The following ITFG1 variants were observed in gnomAD, a reference collection of about 807,000 sequenced individuals.
ITFG1 encodes integrin alpha FG-GAP repeat containing 1.
ITFG1 carries 34 observed loss-of-function variants against 81.8 expected under a neutral mutation model. That is an observed-to-expected ratio of 0.42 (90% CI 0.32 to 0.55). ITFG1 has a LOEUF of 0.55. Ranked by LOEUF, ITFG1 falls within the 20% of genes least tolerant of loss-of-function variation. The probability of loss-of-function intolerance (pLI) is 0.17; values close to 1 mark genes in which losing one functional copy is unlikely to be tolerated. For synonymous variants in ITFG1, 285 were observed against 270.6 expected (o/e 1.05, Z -0.52); for missense variants, 672 against 755.4 (o/e 0.89, Z 1.29).
At chr16:47,301,740 CAAT>C (rs1351568238) in intron 10 of ITFG1, among the ~76,000 whole-genome samples, 2 of 152,094 alleles carry the variant, frequency 1.3e-5, no homozygotes, top group East Asian at 1.9e-4. Flanking sequence ...TGACAAATGA[CAAT>C]AATATAGGGA....
intron 15 of ITFG1, 107 bp from the exon 16 acceptor site, chr16:47,161,939 T>C: frequency 1.4e-6 from 1 of 730,422 alleles, no homozygotes; most frequent in Non-Finnish European, 2.3e-6. Flanking sequence ...ATTCAAATTC[T>C]AGGTATGGAT....
chr16:47,425,012 C>T (rs577545724), intron 6 of ITFG1, among the ~76,000 whole-genome samples: 7 of 152,256 alleles, frequency 4.6e-5, no homozygotes, highest in East Asian at 1.9e-4. Context: ...AGCTGTCCGC[C>T]GCCTTTTGTT....
chr16:47,441,939 T>G (rs961427799), intron 5 of ITFG1, among the ~76,000 whole-genome samples: 2 of 152,212 alleles, frequency 1.3e-5, no homozygotes, highest in Non-Finnish European at 2.9e-5. Context: ...CCCCATCGTC[T>G]CAGCACAAAA....
intron 6 of ITFG1, among the ~76,000 whole-genome samples, chr16:47,418,614 C>T (rs781020763): frequency 5.9e-5 from 9 of 151,960 alleles, no homozygotes; most frequent in Non-Finnish European, 8.8e-5. Context: ...TACAGTTTTC[C>T]CAGCACTATT....
intron 5 of ITFG1, among the ~76,000 whole-genome samples, chr16:47,442,599 T>C (rs1345440600): frequency 1.3e-5 from 2 of 152,124 alleles, no homozygotes; most frequent in African/African-American, 4.8e-5. Flanking sequence ...TAATGTCGCA[T>C]ATCTACAACT....
At chr16:47,377,278 C>A (rs528613483) in intron 6 of ITFG1, among the ~76,000 whole-genome samples, 16 of 152,068 alleles carry the variant, frequency 1.1e-4, no homozygotes, top group Non-Finnish European at 2.2e-4. Flanking sequence ...TATTTATTTC[C>A]ACAACAAGGA....
At chr16:47,258,548 A>G in intron 12 of ITFG1, 84 bp downstream of exon 12, 1 of 693,860 alleles carries the variant, frequency 1.4e-6, no homozygotes, top group Non-Finnish European at 2.6e-6. Flanking sequence ...AGGGTTGTAC[A>G]TCGGAGCATG....
At chr16:47,402,371 T>C (rs997525092) in intron 6 of ITFG1, among the ~76,000 whole-genome samples, 2 of 152,214 alleles carry the variant, frequency 1.3e-5, no homozygotes, top group Non-Finnish European at 2.9e-5. Flanking sequence ...AAATTCTTAT[T>C]ATAGTTCTGT....
chr16:47,184,959 A>G (rs1321832677), intron 14 of ITFG1, among the ~76,000 whole-genome samples: 2 of 151,716 alleles, frequency 1.3e-5, no homozygotes, highest in African/African-American at 4.8e-5. Context: ...GGAAAACAAA[A>G]AAAGGCAGGG....
At chr16:47,291,323 C>T (rs1343699753) in intron 10 of ITFG1, among the ~76,000 whole-genome samples, 2 of 152,018 alleles carry the variant, frequency 1.3e-5, no homozygotes, top group Admixed American at 6.6e-5. Flanking sequence ...GACTGTTTTG[C>T]TGTTCTTTTT....
intron 12 of ITFG1, among the ~76,000 whole-genome samples, chr16:47,248,210 T>C (rs922699782): frequency 6.6e-6 from 1 of 152,208 alleles, no homozygotes; most frequent in African/African-American, 2.4e-5. Flanking sequence ...TTTAGAGGTA[T>C]CAGCTTTCAT....
At chr16:47,327,559 T>G (rs1967568988) in intron 8 of ITFG1, among the ~76,000 whole-genome samples, 1 of 151,544 alleles carries the variant, frequency 6.6e-6, no homozygotes, top group Non-Finnish European at 1.5e-5. Flanking sequence ...TGGGAGAAAA[T>G]TTTTGCAACC....
intron 6 of ITFG1, among the ~76,000 whole-genome samples, chr16:47,408,607 CATG>C (rs1968759836): frequency 6.6e-6 from 1 of 151,906 alleles, no homozygotes; most frequent in African/African-American, 2.4e-5. Context: ...TAGTCAGAAC[CATG>C]ATAACTATTT....
At chr16:47,396,111 T>C (rs935095377) in intron 6 of ITFG1, 12 of 956,464 alleles carry the variant, frequency 1.3e-5, no homozygotes, top group Non-Finnish European at 1.2e-5. Context: ...ACCTATCCCT[T>C]TCCATTTTCT....
intron 5 of ITFG1, chr16:47,448,737 A>G (rs533640601): frequency 5.3e-5 from 8 of 152,060 alleles, no homozygotes; most frequent in African/African-American, 1.9e-4. Context: ...AGTATGCAAC[A>G]TCAGTTTCCA....
intron 16 of ITFG1, 160 bp downstream of exon 16, chr16:47,161,590 T>A (rs761990347): frequency 1.3e-4 from 60 of 454,600 alleles, no homozygotes; most frequent in Non-Finnish European, 2.2e-4. Flanking sequence ...GGACCTTTTA[T>A]GTAAGTATGT....
rs542991997 is a variant in ITFG1, at chr16:47,394,951, A to C, written c.656-19011T>G. ...GAGATAGACAGGAGTGGTGCAGCTA[A>C]ATAATACTTTTTAGATATTTTTTGT... On this transcript the variant is annotated intron_variant, in intron 6 of 17. Coordinates refer to ENST00000320640, the MANE Select transcript of ITFG1 (RefSeq NM_030790.5). Among the ~76,000 whole-genome samples the C allele has an allele frequency of 3.1e-4, 47 of 152,304 alleles. 1 individual carries two copies. Among genetic ancestry groups the C allele is most frequent in the Admixed American group, 1.8e-3 (28 of 15,304 alleles).
intron 14 of ITFG1, among the ~76,000 whole-genome samples, chr16:47,171,379 AG>A (rs1964959872): frequency 6.6e-6 from 1 of 152,178 alleles, no homozygotes; most frequent in South Asian, 2.1e-4. Flanking sequence ...TAAGGTCAGC[AG>A]CAAAGTCCCA....
chr16:47,289,743 T>A (rs900794549), intron 10 of ITFG1, among the ~76,000 whole-genome samples: 3 of 152,154 alleles, frequency 2.0e-5, no homozygotes, highest in African/African-American at 4.8e-5. Flanking sequence ...CTCTTTTTTT[T>A]ATCTAGATGA....
Sources: allele counts gnomAD v4.1 joint callset (sites outside exome capture counted in the v4.1 genomes callset), GRCh38; gene constraint gnomAD v4.1.1; transcripts MANE v1.5; gene names NCBI Gene and HGNC (gene_info 2026-07-23, HGNC 2026-07-21).